SEMA5A: variants seen among roughly 807,000 people sequenced by gnomAD.
SEMA5A encodes the protein semaphorin-5A.
In SEMA5A, 55 loss-of-function variants were observed where a neutral mutation model predicts 135.5. That is an observed-to-expected ratio of 0.41 (90% CI 0.33 to 0.51). SEMA5A has a LOEUF of 0.51. SEMA5A is among the 20% of genes least tolerant of loss of function. SEMA5A has a pLI of 0.37. For missense variants in SEMA5A, 1,290 were observed against 1,419.9 expected, an observed-to-expected ratio of 0.91 and a Z score of 1.47; for synonymous variants, 580 against 546.5, an observed-to-expected ratio of 1.06 and a Z score of -0.85.
intron 5 of SEMA5A, among the ~76,000 whole-genome samples, chr5:9,255,990 T>G (rs568074112): frequency 6.6e-6 from 1 of 152,256 alleles, no homozygotes; most frequent in South Asian, 2.1e-4. Flanking sequence ...TCTTCTTGTT[T>G]CCTCACTGCC....
chr5:9,343,121 C>G (rs1036847004), intron 3 of SEMA5A, among the ~76,000 whole-genome samples: 2 of 152,180 alleles, frequency 1.3e-5, no homozygotes, highest in African/African-American at 4.8e-5. Context: ...AAACCAGCTA[C>G]TACTTTAACC....
intron 2 of SEMA5A, among the ~76,000 whole-genome samples, chr5:9,386,104 C>T (rs577291053): frequency 2.0e-5 from 3 of 152,212 alleles, no homozygotes; most frequent in South Asian, 2.1e-4. Flanking sequence ...CCAGCTGGAA[C>T]GTGCTTTTCA....
At chr5:9,390,946 C>T (rs1756133324) in intron 2 of SEMA5A, 1 of 152,126 alleles carries the variant, frequency 6.6e-6, no homozygotes, top group South Asian at 2.1e-4. Context: ...GATGTGGAGA[C>T]AGGACTCAAG....
intron 5 of SEMA5A, among the ~76,000 whole-genome samples, chr5:9,273,732 C>A (rs1387804778): frequency 1.3e-5 from 2 of 152,024 alleles, no homozygotes; most frequent in Middle Eastern, 3.2e-3. Flanking sequence ...TCATATCCAG[C>A]CAAACTAAGC....
chr5:9,210,310 G>A (rs903696499), intron 8 of SEMA5A, among the ~76,000 whole-genome samples: 10 of 152,202 alleles, frequency 6.6e-5, no homozygotes, highest in Non-Finnish European at 1.3e-4. Flanking sequence ...TGTGCTCGAT[G>A]TACAGGATGG....
chr5:9,107,490 T>G (rs1739985120), intron 16 of SEMA5A, among the ~76,000 whole-genome samples: 1 of 152,158 alleles, frequency 6.6e-6, no homozygotes, highest in Non-Finnish European at 1.5e-5. Context: ...GTTCTATACC[T>G]TGGTGTAGGC....
intron 13 of SEMA5A, among the ~76,000 whole-genome samples, chr5:9,129,096 C>A (rs760159744): frequency 6.6e-6 from 1 of 152,076 alleles, no homozygotes; most frequent in Non-Finnish European, 1.5e-5. Flanking sequence ...TGTTCTCTTT[C>A]CAAATATATG....
chr5:9,344,700 A>G (rs1753787923), intron 3 of SEMA5A, among the ~76,000 whole-genome samples: 1 of 152,210 alleles, frequency 6.6e-6, no homozygotes, highest in African/African-American at 2.4e-5. Context: ...TACATTAGCA[A>G]ACTCCAAAAT....
In SEMA5A at chr5:9,197,728, T is replaced by TTGTATGTGTGTG. The variant is rs778921009; in HGVS notation, c.933-426_933-425insCACACACATACA. 2.0e-3 allele frequency among the ~76,000 whole-genome samples: 117 copies of TTGTATGTGTGTG among 59,282 alleles called. 1 individual carries two copies. Among genetic ancestry groups the TTGTATGTGTGTG allele is most frequent in the Middle Eastern group, 7.8e-3 (1 of 128 alleles). The allele number at this position is 59,282 out of a possible 152,430, so 38.9% of individuals were successfully genotyped here. On this transcript the variant is annotated intron_variant, in intron 9 of 22. Coordinates refer to ENST00000382496, the MANE Select transcript of SEMA5A (RefSeq NM_003966.3). Reference sequence around the variant, plus strand: ...TTTGCCCAGCAGCAGGGAAAGCTGTTTGTGTGTGTGTGTGTGTGTGTGTGT... The same window carrying TTGTATGTGTGTG: ...TTTGCCCAGCAGCAGGGAAAGCTGTTTGTATGTGTGTGTGTGTGTGTGTGTGTGTGTGTGTGT...
At chr5:9,200,091 T>A (rs983336623) in intron 9 of SEMA5A, among the ~76,000 whole-genome samples, 1 of 152,030 alleles carries the variant, frequency 6.6e-6, no homozygotes, top group Non-Finnish European at 1.5e-5. Flanking sequence ...GAAAAGGAGG[T>A]GGAAAATATT....
chr5:9,333,074 A>G (rs1392074202), intron 4 of SEMA5A, among the ~76,000 whole-genome samples: 2 of 152,248 alleles, frequency 1.3e-5, no homozygotes, highest in Non-Finnish European at 2.9e-5. Flanking sequence ...ATCAGAATTG[A>G]GTAATTGGAT....
intron 13 of SEMA5A, among the ~76,000 whole-genome samples, chr5:9,123,564 T>C (rs1740947283): frequency 6.6e-6 from 1 of 151,934 alleles, no homozygotes; most frequent in African/African-American, 2.4e-5. Flanking sequence ...GGACAAATTG[T>C]CCACTAATTT....
chr5:9,213,985 T>G (rs755834109), intron 8 of SEMA5A, among the ~76,000 whole-genome samples: 1 of 151,190 alleles, frequency 6.6e-6, no homozygotes, highest in African/African-American at 2.5e-5. Flanking sequence ...TGGGGGAAAG[T>G]GCAACTTGAA....
rs540564268 is a variant in SEMA5A, at chr5:9,510,156, C to T, written c.-175+35428G>A. On this transcript the variant is annotated intron_variant, in intron 1 of 22. Transcript: ENST00000382496. ...AGCCATGCCATTTTAACTCCCGTGG[C>T]ATCTGGCACAACGCCCAGCCCAGAA... 5.9e-5 allele frequency among the ~76,000 whole-genome samples: 9 copies of T among 152,294 alleles called. No homozygotes were observed. The South Asian group carries it at 1.9e-3, about 32-fold the overall frequency.
At chr5:9,386,723 T>C (rs193210990) in intron 2 of SEMA5A, among the ~76,000 whole-genome samples, 112 of 152,312 alleles carry the variant, frequency 7.4e-4, no homozygotes, top group Non-Finnish European at 1.2e-3. Context: ...ACCCAGACCT[T>C]TTGTTTCTAA....
At position 9,421,462 on chromosome 5, in the gene SEMA5A, G is replaced by A. The variant is rs1175570890; in HGVS notation, c.-78+16294C>T. Among the ~76,000 whole-genome samples, 4 of 152,222 alleles carry A rather than the reference G, an allele frequency of 2.6e-5. No individual in the cohort carries two copies. In the East Asian group the frequency reaches 7.7e-4, roughly 29 times the overall value. On this transcript the variant is annotated intron_variant, in intron 2 of 22. Transcript: ENST00000382496. ...ATTCACTATACATGCCCTTATATAT[G>A]TATGCTGGTATTTTTATTTTTACAA... is the stretch of plus-strand genomic sequence containing the variant.
chr5:9,347,655 G>C (rs138602115), intron 3 of SEMA5A, among the ~76,000 whole-genome samples: 1 of 151,976 alleles, frequency 6.6e-6, no homozygotes, highest in South Asian at 2.1e-4. Context: ...GAAAAAATGC[G>C]TGCACTGTTT....
chr5:9,515,837 T>G (rs868052304), intron 1 of SEMA5A, among the ~76,000 whole-genome samples: 1 of 152,236 alleles, frequency 6.6e-6, no homozygotes, highest in African/African-American at 2.4e-5. Context: ...AATAGTATGC[T>G]AAGAACCAAA....
chr5:9,432,470 C>T (rs575565238), intron 2 of SEMA5A, among the ~76,000 whole-genome samples: 1 of 152,126 alleles, frequency 6.6e-6, no homozygotes, highest in Admixed American at 6.5e-5. Flanking sequence ...CATATTTGGT[C>T]TCTTTGTCTA....
Sources: gnomAD v4.1 joint callset for allele counts (sites outside exome capture counted in the v4.1 genomes callset) on GRCh38, gnomAD v4.1.1 for gene constraint, MANE v1.5 for transcripts, NCBI Gene and HGNC (gene_info 2026-07-23, HGNC 2026-07-21) for gene names.